The following TFPI2 variants were observed in gnomAD, a reference collection of about 807,000 sequenced individuals.
TFPI2 encodes the protein tissue factor pathway inhibitor 2.
Under a neutral mutation model 23.1 loss-of-function variants are expected in TFPI2, and 23 were observed. The observed-to-expected ratio is 1.00, with a 90% CI of 0.72 to 1.41. TFPI2 has a LOEUF of 1.41. Ranked by LOEUF, TFPI2 falls within the 40% of genes most tolerant of loss-of-function variation. The pLI, the probability that TFPI2 is intolerant of heterozygous loss-of-function variation, is 0.00. For missense variants in TFPI2, 291 were observed against 299.6 expected, an observed-to-expected ratio of 0.97 and a Z score of 0.21; for synonymous variants, 119 against 111.7, an observed-to-expected ratio of 1.07 and a Z score of -0.41.
At position 93,887,284 on chromosome 7, in the gene TFPI2, TC is replaced by T; in HGVS notation, c.607del (p.Asp203IlefsTer10). ...GNDNNFVSRE[D>X]CKRACAKALK... ...ACCTTTTGCACATGCACGTTTGCAA[TC>T]CTCCCTGCTAACAAAGTTATTGTCA... On this transcript the variant is annotated frameshift_variant, in exon 4 of 5. Coordinates refer to ENST00000222543, the MANE Select transcript of TFPI2 (RefSeq NM_006528.4). LOFTEE classifies it low-confidence loss of function (END_TRUNC). 1 of 1,611,896 alleles carries T rather than the reference TC, an allele frequency of 6.2e-7. No homozygotes were observed. The highest frequency in any genetic ancestry group is 8.5e-7 in the Non-Finnish European group (1 of 1,179,004).
rs1793979867 is a variant in TFPI2 at position 93,885,908 on chromosome 7, T to C, written c.*912A>G. 1.3e-5 allele frequency: 2 copies of C among 152,054 alleles called. 1 individual carries two copies. Among genetic ancestry groups the C allele is most frequent in the South Asian group, 4.1e-4 (2 of 4,826 alleles). 9.4% of individuals were successfully genotyped at this position (152,054 alleles called of 1,614,324 possible). ...AAACATAAGAATTTAGAAAAATTGTTTTATTACAGAGAAAGAAAAAACCTA... is the reference window on the plus strand; with the variant it reads ...AAACATAAGAATTTAGAAAAATTGTCTTATTACAGAGAAAGAAAAAACCTA... On this transcript the variant is annotated 3_prime_UTR_variant, in exon 5 of 5. Transcript: ENST00000222543.
chr7:93,885,800 T>C lies in TFPI2; in HGVS notation c.*1020A>G, dbSNP rs1793977240. On this transcript the variant is annotated 3_prime_UTR_variant, in exon 5 of 5. Coordinates refer to ENST00000222543, the MANE Select transcript of TFPI2 (RefSeq NM_006528.4). Reference sequence around the variant, plus strand: ...AAAATAACTGGGATAAATTTTTAAATGAAAGATTGTTCAAGCAAAAGGTAA... The same window carrying C: ...AAAATAACTGGGATAAATTTTTAAACGAAAGATTGTTCAAGCAAAAGGTAA... The C allele has an allele frequency of 6.6e-6, 1 of 152,068 alleles. No individual in the cohort carries two copies. The highest frequency in any genetic ancestry group is 2.4e-5 in the African/African-American group (1 of 41,454). The allele number at this position is 152,068 out of a possible 1,614,324, so 9.4% of individuals were successfully genotyped here.
At chr7:93,888,057 T>A (rs899812930) in intron 3 of TFPI2, among the ~76,000 whole-genome samples, 1 of 152,222 alleles carries the variant, frequency 6.6e-6, no homozygotes, top group African/African-American at 2.4e-5. Flanking sequence ...TGTCTCCCTC[T>A]GCAAACATTA....
intron 3 of TFPI2, among the ~76,000 whole-genome samples, chr7:93,888,752 G>A (rs529116606): frequency 6.6e-6 from 1 of 151,960 alleles, no homozygotes; most frequent in Non-Finnish European, 1.5e-5. Context: ...GCTTGAACCC[G>A]GGAGGCAGAG....
rs1263775046 is a variant in TFPI2 at position 93,886,134 on chromosome 7, T to C, written c.*686A>G. On this transcript the variant is annotated 3_prime_UTR_variant, in exon 5 of 5. Coordinates refer to ENST00000222543, the MANE Select transcript of TFPI2 (RefSeq NM_006528.4). ...AATGTCTTAGGAAATAATTTAACAA[T>C]AGGAAAACCCTTAAAACCATCTATC... The C allele has an allele frequency of 6.6e-6, 1 of 152,034 alleles. No homozygotes were observed. Among genetic ancestry groups the C allele is most frequent in the Non-Finnish European group, 1.5e-5 (1 of 67,920 alleles). The allele number at this position is 152,034 out of a possible 1,614,324, so 9.4% of individuals were successfully genotyped here. A position where few individuals can be genotyped will look rare whatever the true frequency, so the allele number is the denominator to read the frequency against.
intron 4 of TFPI2, 147 bp downstream of exon 4, chr7:93,887,114 A>C (rs1794008079): frequency 1.2e-6 from 1 of 866,854 alleles, no homozygotes; most frequent in Non-Finnish European, 1.7e-6. Context: ...ATTTTGACAA[A>C]ACTGATTAAC....
chr7:93,890,643 C>A lies in TFPI2; in HGVS notation c.36G>T (p.Leu12=), dbSNP rs1720260462. 2 of 1,613,364 alleles carry A rather than the reference C, an allele frequency of 1.2e-6. No individual in the cohort carries two copies. Among genetic ancestry groups the A allele is most frequent in the African/African-American group, 2.7e-5 (2 of 75,018 alleles). ...DPARPLGLSI[L]LLFLTEAALG... ...GTGCAGCCTCCGTCAGGAAAAGCAG[C>A]AGAATCGACAGCCCCAGGGGGCGAG... The change falls in exon 1 of 5, where the codon CTG becomes CTT. Residue 12 remains leucine (L), a synonymous_variant. Coordinates refer to ENST00000222543, the MANE Select transcript of TFPI2 (RefSeq NM_006528.4).
intron 3 of TFPI2, 64 bp from the exon 4 acceptor site, chr7:93,887,495 T>A: frequency 7.6e-7 from 1 of 1,318,388 alleles, no homozygotes; most frequent in South Asian, 1.3e-5. Context: ...TTATGGTGAT[T>A]ACTGAAGTAA....
chr7:93,890,208 C>G lies in TFPI2; in HGVS notation c.200G>C (p.Gly67Ala). The change falls in exon 2 of 5, where the codon GGG becomes GCG. Residue 67 changes from glycine to alanine, a missense_variant. Coordinates refer to ENST00000222543, the MANE Select transcript of TFPI2 (RefSeq NM_006528.4). Reference sequence around the variant, plus strand: ...ATTGTTGGCGTTGCCCTCGCAGCCCCCGTACAGGAACTGGCGGCAGCTCTG... The same window carrying G: ...ATTGTTGGCGTTGCCCTCGCAGCCCGCGTACAGGAACTGGCGGCAGCTCTG... ...YTQSCRQFLY[G>A]GCEGNANNFY... The G allele has an allele frequency of 1.2e-6, 2 of 1,613,832 alleles. No homozygotes were observed. Among genetic ancestry groups the G allele is most frequent in the Non-Finnish European group, 1.7e-6 (2 of 1,179,820 alleles).
intron 2 of TFPI2, 65 bp downstream of exon 2, chr7:93,890,072 G>T (rs1182495200): frequency 6.1e-6 from 9 of 1,483,888 alleles, no homozygotes; most frequent in Non-Finnish European, 8.1e-6. Context: ...TGGGAAACTG[G>T]CGAAGCTGCT....
chr7:93,890,321 T>C lies in TFPI2; in HGVS notation c.89-2A>G, dbSNP rs984822342. ...GGAGACAGATCTCCGCGTTATTTCC[T>C]GAAGAAGGGGCAGAAGGAGAGCAAA... On this transcript the variant is annotated splice_acceptor_variant, in intron 1 of 4. Coordinates refer to ENST00000222543, the MANE Select transcript of TFPI2 (RefSeq NM_006528.4). LOFTEE classifies it high-confidence loss of function. 2.5e-6 allele frequency: 4 copies of C among 1,602,882 alleles called. No individual in the cohort carries two copies. The highest frequency in any genetic ancestry group is 2.2e-5 in the East Asian group (1 of 44,492).
Position 93,885,972 on chromosome 7 carries a change from C to T in TFPI2, c.*848G>A, listed in dbSNP as rs895272668. 1 of 151,942 alleles carries T rather than the reference C, an allele frequency of 6.6e-6. No homozygotes were observed. The highest frequency in any genetic ancestry group is 1.5e-5 in the Non-Finnish European group (1 of 67,892). The allele number at this position is 151,942 out of a possible 1,614,324, so 9.4% of individuals were successfully genotyped here. On this transcript the variant is annotated 3_prime_UTR_variant, in exon 5 of 5. Transcript: ENST00000222543. ...ACCATATTTAATCAATGATAATTTA[C>T]TGGTGAAATTTAAATTATTAAATTT...
In TFPI2 at chr7:93,887,350, C is replaced by T. The variant is rs1794014773; in HGVS notation, c.542G>A (p.Arg181Lys). The T allele has an allele frequency of 1.2e-6, 2 of 1,613,734 alleles. No homozygotes were observed. The highest frequency in any genetic ancestry group is 1.3e-5 in the African/African-American group (1 of 74,922). Residue 181 changes from arginine to lysine, a missense_variant, in exon 4 of 5, where the codon AGA becomes AAA. Arg to Lys is a conservative substitution (Grantham distance 26). Coordinates refer to ENST00000222543, the MANE Select transcript of TFPI2 (RefSeq NM_006528.4). ...VTRYYFNPRY[R>K]TCDAFTYTGC... The stretch of plus-strand genomic sequence containing the variant: ...AGTATAGGTGAAAGCATCACAGGTT[C>T]TGTATCTTGGATTAAAATAATAGCG...
Position 93,887,313 on chromosome 7 carries a change from C to T in TFPI2, c.579G>A (p.Gly193=). The change falls in exon 4 of 5, where the codon GGG becomes GGA. Residue 193 remains glycine, a synonymous_variant. Transcript: ENST00000222543. ...CDAFTYTGCG[G]NDNNFVSRED... ...CCCTGCTAACAAAGTTATTGTCATT[C>T]CCTCCACAGCCAGTATAGGTGAAAG... 1 of 1,613,128 alleles carries T rather than the reference C, an allele frequency of 6.2e-7. No homozygotes were observed. The highest frequency in any genetic ancestry group is 2.2e-5 in the East Asian group (1 of 44,822).
Position 93,889,017 on chromosome 7 carries a change from C to G in TFPI2, c.460+18G>C. ...TTTCAAAAAAGTGAAATAGAAATAC[C>G]ATAAAAATCGTATTTACTTTTCTTT... On this transcript the variant is annotated intron_variant, in intron 3 of 4. Transcript: ENST00000222543. The G allele has an allele frequency of 1.3e-6, 2 of 1,569,660 alleles. No individual in the cohort carries two copies. Among genetic ancestry groups the G allele is most frequent in the Non-Finnish European group, 1.7e-6 (2 of 1,165,828 alleles).
rs1336183455 is a variant in TFPI2, at chr7:93,890,142, A to C, written c.266T>G (p.Ile89Arg). The change falls in exon 2 of 5, where the codon ATA becomes AGA. Residue 89 changes from isoleucine to arginine, a missense_variant. Transcript: ENST00000222543. ...WEACDDACWR[I>R]EKVPKVCRLQ... ...GGTGCGCGCAGGGCACTTACTTTCT[A>C]TCCTCCAGCAAGCATCGTCGCAAGC... The C allele has an allele frequency of 6.2e-7, 1 of 1,600,162 alleles. No individual in the cohort carries two copies. The highest frequency in any genetic ancestry group is 8.5e-7 in the Non-Finnish European group (1 of 1,169,774).
At chr7:93,888,699 C>T (rs1466916333) in intron 3 of TFPI2, among the ~76,000 whole-genome samples, 24 of 150,536 alleles carry the variant, frequency 1.6e-4, no homozygotes, top group Non-Finnish European at 2.7e-4. Context: ...TGGTGGCGGG[C>T]GCCTGTAGTC....
chr7:93,889,012 A>C (rs1223142588), intron 3 of TFPI2, 23 bp downstream of exon 3: 6 of 1,571,044 alleles, frequency 3.8e-6, no homozygotes, highest in Non-Finnish European at 5.1e-6. Context: ...GTGAAATAGA[A>C]ATACCATAAA....
Position 93,890,209 on chromosome 7 carries a change from CGTACAG to C in TFPI2, c.193_198del (p.Leu65_Tyr66del). ...TTGTTGGCGTTGCCCTCGCAGCCCC[CGTACAG>C]GAACTGGCGGCAGCTCTGCGTGTAC... On this transcript the variant is annotated inframe_deletion, in exon 2 of 5. Transcript: ENST00000222543. 6.2e-7 allele frequency: 1 copy of C among 1,613,846 alleles called. No individual in the cohort carries two copies. Among genetic ancestry groups the C allele is most frequent in the Non-Finnish European group, 8.5e-7 (1 of 1,179,822 alleles).
Sources: gnomAD v4.1 joint callset for allele counts (sites outside exome capture counted in the v4.1 genomes callset) on GRCh38, gnomAD v4.1.1 for gene constraint, MANE v1.5 for transcripts, NCBI Gene and HGNC (gene_info 2026-07-23, HGNC 2026-07-21) for gene names.